The following NAV2 variants were observed in gnomAD, a reference collection of about 807,000 sequenced individuals.
NAV2 encodes the protein helicase, APC down-regulated 1.
In NAV2, 54 loss-of-function variants were observed where a neutral mutation model predicts 223.2. That is an observed-to-expected ratio of 0.24 (90% CI 0.19 to 0.30). NAV2 has a LOEUF of 0.30. Among genes scored for constraint, NAV2 ranks in the 10% least tolerant of loss-of-function variants. NAV2 has a pLI of 1.00. For synonymous variants in NAV2, 1,279 were observed against 1,239.3 expected, an observed-to-expected ratio of 1.03 and a Z score of -0.67; for missense variants, 2,806 against 3,147.5, an observed-to-expected ratio of 0.89 and a Z score of 2.60.
intron 1 of NAV2, among the ~76,000 whole-genome samples, chr11:19,584,954 G>A (rs945493921): frequency 6.8e-6 from 1 of 147,862 alleles, no homozygotes; most frequent in East Asian, 2.0e-4. Context: ...CTGTCTCATC[G>A]ATCTGTCTAA....
At chr11:19,484,769 T>C (rs2042389608) in intron 1 of NAV2, among the ~76,000 whole-genome samples, 1 of 152,090 alleles carries the variant, frequency 6.6e-6, no homozygotes, top group Non-Finnish European at 1.5e-5. Flanking sequence ...GCAGAGAAAG[T>C]GTTGATGGAT....
At chr11:19,474,683 A>G (rs190194204) in intron 1 of NAV2, among the ~76,000 whole-genome samples, 1 of 152,368 alleles carries the variant, frequency 6.6e-6, no homozygotes, top group Non-Finnish European at 1.5e-5. Context: ...TTGCACAGTT[A>G]AAAAATCTAT....
At chr11:19,475,116 T>A (rs148706868) in intron 1 of NAV2, among the ~76,000 whole-genome samples, 19 of 152,352 alleles carry the variant, frequency 1.2e-4, no homozygotes, top group Middle Eastern at 3.4e-3. Context: ...GGTCACAGCC[T>A]GCATCTGGGG....
intron 22 of NAV2, among the ~76,000 whole-genome samples, chr11:20,070,329 T>C (rs1194465894): frequency 1.3e-5 from 2 of 152,180 alleles, no homozygotes; most frequent in Non-Finnish European, 2.9e-5. Flanking sequence ...TCTGAGCTAC[T>C]CTCCTAGTTT....
chr11:20,017,091 T>A (rs2153523233), intron 11 of NAV2, among the ~76,000 whole-genome samples: 1 of 152,132 alleles, frequency 6.6e-6, no homozygotes, highest in African/African-American at 2.4e-5. Flanking sequence ...AGGTCCTAAT[T>A]CCCAGAAAAG....
chr11:20,048,937 C>T lies in NAV2; in HGVS notation c.4112C>T (p.Pro1371Leu), dbSNP rs2057718871. 1 of 1,614,068 alleles carries T rather than the reference C, an allele frequency of 6.2e-7. No homozygotes were observed. The highest frequency in any genetic ancestry group is 1.7e-5 in the Admixed American group (1 of 60,006). The part of the protein sequence containing the change: ...DLNQSPLASS[P>L]SSAHSAPSNS... ...AACCAGTCTCCGCTAGCCTCCAGCC[C>T]CAGCTCAGCCCACTCGGCCCCTTCC... Residue 1371 changes from proline (P) to leucine (L), a missense_variant, in exon 15 of 38, where the codon CCC becomes CTC. Physicochemically the swap from Pro to Leu is moderately conservative, Grantham distance 98. Transcript: ENST00000349880.
rs554219133 is a variant in NAV2 at position 19,983,696 on chromosome 11, G to C, written c.2646-429G>C. Among the ~76,000 whole-genome samples, 8 of 152,180 alleles carry C rather than the reference G, an allele frequency of 5.3e-5. No homozygotes were observed. The South Asian group carries it at 1.7e-3, about 32-fold the overall frequency. On this transcript the variant is annotated intron_variant, in intron 10 of 37. Transcript: ENST00000349880. Reference sequence around the variant, plus strand: ...TTCCCCCTCTCTCAAAAGCCTGCCTGCTTTTTCCACTCACTGTTCTGTAAT... The same window carrying C: ...TTCCCCCTCTCTCAAAAGCCTGCCTCCTTTTTCCACTCACTGTTCTGTAAT...
chr11:20,080,865 T>C (rs2153663440), intron 25 of NAV2, among the ~76,000 whole-genome samples: 1 of 152,332 alleles, frequency 6.6e-6, no homozygotes, highest in Non-Finnish European at 1.5e-5. Flanking sequence ...TGAGTGGTTT[T>C]TTCCACTCTC....
At chr11:19,481,481 G>A (rs893070100) in intron 1 of NAV2, among the ~76,000 whole-genome samples, 11 of 152,178 alleles carry the variant, frequency 7.2e-5, no homozygotes, top group African/African-American at 2.2e-4. Flanking sequence ...CATGCTGAAG[G>A]CAGAAAGACT....
intron 19 of NAV2, chr11:20,056,393 T>TGCTCC (rs1225542912): frequency 5.9e-6 from 4 of 678,628 alleles, no homozygotes; most frequent in Non-Finnish European, 1.0e-5. Context: ...CTTTCTGCTC[T>TGCTCC]GCTCCAGAAT....
At chr11:19,735,366 C>CT (rs2052187267) in intron 1 of NAV2, among the ~76,000 whole-genome samples, 1 of 152,226 alleles carries the variant, frequency 6.6e-6, no homozygotes, top group African/African-American at 2.4e-5. Flanking sequence ...GCTTTCTTCC[C>CT]TTGGCATCCT....
chr11:19,362,055 G>C (rs1267580505), intron 1 of NAV2, among the ~76,000 whole-genome samples: 1 of 152,166 alleles, frequency 6.6e-6, no homozygotes, highest in Non-Finnish European at 1.5e-5. Flanking sequence ...GCTGGAGAGG[G>C]AGATGGACTA....
chr11:19,834,065 G>A (rs1013324020), intron 2 of NAV2, among the ~76,000 whole-genome samples: 2 of 151,930 alleles, frequency 1.3e-5, no homozygotes, highest in Non-Finnish European at 2.9e-5. Context: ...GCAAGTCACA[G>A]GTCCCTACAC....
At chr11:19,480,981 G>A (rs1334438541) in intron 1 of NAV2, among the ~76,000 whole-genome samples, 1 of 152,210 alleles carries the variant, frequency 6.6e-6, no homozygotes, top group East Asian at 1.9e-4. Flanking sequence ...GAGGGATGAT[G>A]TTGTGGGGCT....
chr11:19,655,315 A>G (rs891530922), intron 1 of NAV2, among the ~76,000 whole-genome samples: 3 of 152,238 alleles, frequency 2.0e-5, no homozygotes, highest in African/African-American at 7.2e-5. Context: ...TAGTTCAACC[A>G]TTGTGGAAGT....
upstream of NAV2, among the ~76,000 whole-genome samples, chr11:19,349,308 A>G (rs1853163227): frequency 6.6e-6 from 1 of 152,132 alleles, no homozygotes; most frequent in South Asian, 2.1e-4. Flanking sequence ...TTCTCTCCCA[A>G]GCATCTGCTA....
intron 1 of NAV2, among the ~76,000 whole-genome samples, chr11:19,750,858 A>G (rs1391474304): frequency 6.6e-6 from 1 of 152,176 alleles, no homozygotes; most frequent in Non-Finnish European, 1.5e-5. Flanking sequence ...TCATTTGTGG[A>G]GCATTAGCTA....
chr11:19,495,134 C>G (rs1156283319), intron 1 of NAV2, among the ~76,000 whole-genome samples: 1 of 152,214 alleles, frequency 6.6e-6, no homozygotes, highest in Non-Finnish European at 1.5e-5. Flanking sequence ...TAGGTCACAG[C>G]ATGAACTCAG....
chr11:19,961,446 G>A (rs761249052), intron 10 of NAV2, among the ~76,000 whole-genome samples: 7 of 152,240 alleles, frequency 4.6e-5, no homozygotes, highest in African/African-American at 9.6e-5. Flanking sequence ...TGAGACAGTC[G>A]GCCCATGTTG....
Sources: allele counts gnomAD v4.1 joint callset (sites outside exome capture counted in the v4.1 genomes callset), GRCh38; gene constraint gnomAD v4.1.1; transcripts MANE v1.5; gene names NCBI Gene and HGNC (gene_info 2026-07-23, HGNC 2026-07-21).